The following NCOR1 variants were observed in gnomAD, a reference collection of about 807,000 sequenced individuals.
NCOR1 encodes protein phosphatase 1, regulatory subunit 109.
A neutral mutation model predicts 288.1 loss-of-function variants in NCOR1; 63 were observed. The ratio of observed to expected loss-of-function variants is 0.22; its 90% CI spans 0.18 to 0.27. The LOEUF is 0.27. Ranked by LOEUF, NCOR1 falls within the 10% of genes least tolerant of loss-of-function variation. The probability of loss-of-function intolerance (pLI) is 1.00; values close to 1 mark genes in which losing one functional copy is unlikely to be tolerated. For synonymous variants in NCOR1, 1,007 were observed against 1,065.9 expected, an observed-to-expected ratio of 0.94 and a Z score of 1.08; for missense variants, 2,397 against 3,019.2, an observed-to-expected ratio of 0.79 and a Z score of 4.83.
intron 43 of NCOR1, 136 bp from the exon 44 acceptor site, chr17:16,039,790 A>G: frequency 1.3e-6 from 1 of 753,034 alleles, no homozygotes. Context: ...CCCACCACAC[A>G]GAGACCTTTT....
At chr17:16,194,274 G>C (rs1182798565) in intron 2 of NCOR1, among the ~76,000 whole-genome samples, 188 bp downstream of exon 2, 1 of 120,816 alleles carries the variant, frequency 8.3e-6, no homozygotes, top group Non-Finnish European at 1.8e-5. Context: ...CCTGAAATCA[G>C]CATAAAGCCA....
At chr17:16,181,815 C>G (rs995701945) in intron 3 of NCOR1, among the ~76,000 whole-genome samples, 7 of 151,980 alleles carry the variant, frequency 4.6e-5, no homozygotes, top group Admixed American at 3.3e-4. Flanking sequence ...AACCTCTGTC[C>G]TAGATAATAA....
chr17:16,034,540 C>T (rs934745948), intron 45 of NCOR1, among the ~76,000 whole-genome samples: 2 of 151,904 alleles, frequency 1.3e-5, no homozygotes, highest in Non-Finnish European at 2.9e-5. Context: ...CCTCAGAGGT[C>T]GAGGCTGCAG....
chr17:16,152,202 C>T (rs1042561256), intron 7 of NCOR1, among the ~76,000 whole-genome samples: 2 of 152,104 alleles, frequency 1.3e-5, no homozygotes, highest in East Asian at 1.9e-4. Flanking sequence ...ACGTGCACAA[C>T]GTGCAGGTTT....
In NCOR1 at chr17:16,112,160, C is replaced by T. The variant is rs562077643; in HGVS notation, c.2056-3248G>A. On this transcript the variant is annotated intron_variant, in intron 18 of 45. Transcript: ENST00000268712. Reference sequence around the variant, plus strand: ...CTGAGATTACAGGCGTGAGTCCCCACACCCAGCCAACATTTATATTTTAAA... The same window carrying T: ...CTGAGATTACAGGCGTGAGTCCCCATACCCAGCCAACATTTATATTTTAAA... Among the ~76,000 whole-genome samples the T allele has an allele frequency of 1.4e-4, 22 of 152,314 alleles. 1 individual carries two copies. Among genetic ancestry groups the T allele is most frequent in the African/African-American group, 5.1e-4 (21 of 41,576 alleles).
intron 4 of NCOR1, among the ~76,000 whole-genome samples, chr17:16,170,548 A>G (rs2082938922): frequency 1.3e-5 from 2 of 152,096 alleles, no homozygotes; most frequent in South Asian, 4.2e-4. Context: ...AAAAAGGTAA[A>G]CATAGGCCCG....
chr17:16,073,058 C>T (rs2061952730), intron 28 of NCOR1, among the ~76,000 whole-genome samples: 1 of 152,236 alleles, frequency 6.6e-6, no homozygotes, highest in East Asian at 1.9e-4. Context: ...CATTACACCA[C>T]TTTATCTGTC....
intron 11 of NCOR1, among the ~76,000 whole-genome samples, chr17:16,139,564 C>A (rs2153274695): frequency 6.6e-6 from 1 of 152,182 alleles, no homozygotes. Context: ...TTTAAAGTCT[C>A]AACATCATTT....
chr17:16,064,399 C>T (rs1180098377), intron 34 of NCOR1, among the ~76,000 whole-genome samples: 2 of 151,920 alleles, frequency 1.3e-5, no homozygotes, highest in African/African-American at 4.8e-5. Flanking sequence ...CAGGAGTTTA[C>T]GACCAGCCTG....
At chr17:16,196,355 GTCAT>G (rs2089790456) in intron 1 of NCOR1, among the ~76,000 whole-genome samples, 2 of 152,044 alleles carry the variant, frequency 1.3e-5, no homozygotes, top group Admixed American at 6.5e-5. Flanking sequence ...TTAGGGAATT[GTCAT>G]TCAATCTAAC....
intron 3 of NCOR1, among the ~76,000 whole-genome samples, chr17:16,184,827 A>G (rs959227839): frequency 6.6e-6 from 1 of 152,110 alleles, no homozygotes; most frequent in South Asian, 2.1e-4. Flanking sequence ...GTGTTTGTCA[A>G]TGAATGAATC....
intron 40 of NCOR1, among the ~76,000 whole-genome samples, chr17:16,056,070 A>C (rs1302870547): frequency 6.7e-6 from 1 of 150,144 alleles, no homozygotes; most frequent in Non-Finnish European, 1.5e-5. Context: ...CTTCCACAAT[A>C]ATTTTTTTTT....
At chr17:16,096,917 T>C (rs1002325413) in intron 21 of NCOR1, among the ~76,000 whole-genome samples, 6 of 152,228 alleles carry the variant, frequency 3.9e-5, no homozygotes, top group Non-Finnish European at 5.9e-5. Flanking sequence ...TAAAATGTGA[T>C]ATACAGATAC....
In NCOR1 at chr17:16,098,372, G is replaced by C. The variant is rs1375423487; in HGVS notation, c.2815C>G (p.Pro939Ala). Residue 939 changes from proline (P) to alanine (A), a missense_variant, in exon 21 of 46, where the codon CCA (proline) becomes GCA (alanine). By Grantham distance (27) the Pro-to-Ala change is conservative (BLOSUM62 -1). This residue lies in a region of NCOR1 where 1,872 missense variants were observed against 2,187.8 expected (regional missense o/e 0.86). Transcript: ENST00000268712. Reference sequence around the variant, plus strand: ...TCCTCACAATAAAAACTTACCATTGGTGGGATAACAGCAGCTCGATGCTGA... The same window carrying C: ...TCCTCACAATAAAAACTTACCATTGCTGGGATAACAGCAGCTCGATGCTGA... ...QLQHRAAVIP[P>A]MVSCTPCNIP... 1.2e-6 allele frequency: 2 copies of C among 1,613,302 alleles called. No individual in the cohort carries two copies. Among genetic ancestry groups the C allele is most frequent in the South Asian group, 1.1e-5 (1 of 90,738 alleles).
chr17:16,162,564 A>G (rs2081082003), intron 5 of NCOR1, among the ~76,000 whole-genome samples: 2 of 152,268 alleles, frequency 1.3e-5, no homozygotes, highest in African/African-American at 2.4e-5. Context: ...CACACTATCC[A>G]TGAAAGAATA....
At chr17:16,108,965 T>A (rs1445553020) in intron 18 of NCOR1, 53 bp from the exon 19 acceptor site, 12 of 1,408,550 alleles carry the variant, frequency 8.5e-6, no homozygotes, top group East Asian at 7.2e-5. Flanking sequence ...GAAAAAAAAA[T>A]TCATTTCTGA....
In NCOR1 at chr17:16,030,504, A is replaced by G. The variant is rs1971821585; in HGVS notation, c.*1792T>C. 5.1e-6 allele frequency: 1 copy of G among 197,874 alleles called. No homozygotes were observed. Among genetic ancestry groups the G allele is most frequent in the Admixed American group, 6.1e-5 (1 of 16,504 alleles). The allele number at this position is 197,874 out of a possible 1,614,324, so 12.3% of individuals were successfully genotyped here. ...TATTACCAGTACCTGAAAAAAAAAAATTCAGCAGAAAACTGTGAAGTGGAA... is the reference window on the plus strand; with the variant it reads ...TATTACCAGTACCTGAAAAAAAAAAGTTCAGCAGAAAACTGTGAAGTGGAA... On this transcript the variant is annotated 3_prime_UTR_variant, in exon 46 of 46. Transcript: ENST00000268712.
At position 16,117,968 on chromosome 17, in the gene NCOR1, C is replaced by T; in HGVS notation, c.1975G>A (p.Glu659Lys). ...AIAKMVGTKS[E>K]AQCKNFYFNY... is the part of the protein sequence containing the mutation. The stretch of plus-strand genomic sequence containing the variant: ...AAATAGAAGTTTTTACATTGAGCTT[C>T]ACTTTTCGTTCCCACCATTTTAGCA... Residue 659 changes from glutamate to lysine, a missense_variant, in exon 18 of 46, where the codon GAA (glutamate) becomes AAA (lysine). Glu to Lys is a moderately conservative substitution (Grantham distance 56, BLOSUM62 1). This residue lies in a region of NCOR1 where 24 missense variants were observed against 84.3 expected (regional missense o/e 0.28). Transcript: ENST00000268712. 3 of 1,613,972 alleles carry T rather than the reference C, an allele frequency of 1.9e-6. No homozygotes were observed. Among genetic ancestry groups the T allele is most frequent in the Non-Finnish European group, 2.5e-6 (3 of 1,179,944 alleles).
At chr17:16,189,326 G>A (rs931896540) in intron 2 of NCOR1, among the ~76,000 whole-genome samples, 2 of 152,076 alleles carry the variant, frequency 1.3e-5, no homozygotes, top group Admixed American at 6.6e-5. Flanking sequence ...CCCAGGAGGT[G>A]GAGGTTGCAA....
Sources: gnomAD v4.1 joint callset for allele counts (sites outside exome capture counted in the v4.1 genomes callset) on GRCh38, gnomAD v4.1.1 for gene constraint, gnomAD v4.1.1 regional missense constraint, MANE v1.5 for transcripts, NCBI Gene and HGNC (gene_info 2026-07-23, HGNC 2026-07-21) for gene names.